The following NAALADL2 variants were observed in gnomAD, a reference collection of about 807,000 sequenced individuals.
The protein encoded by NAALADL2 is inactive N-acetylated-alpha-linked acidic dipeptidase-like protein 2.
Under a neutral mutation model 87.2 loss-of-function variants are expected in NAALADL2, and 76 were observed. The ratio of observed to expected loss-of-function variants is 0.87; its 90% CI spans 0.72 to 1.05. The LOEUF (loss-of-function observed/expected upper bound fraction) is 1.05, where lower values mean the gene tolerates loss of function less well. Among genes scored for constraint, NAALADL2 ranks in the 50% least tolerant of loss-of-function variants. The pLI is 0.00. For missense variants in NAALADL2, 1,089 were observed against 945.8 expected, an observed-to-expected ratio of 1.15 and a Z score of -1.99; for synonymous variants, 354 against 331.0, an observed-to-expected ratio of 1.07 and a Z score of -0.75.
intron 5 of NAALADL2, among the ~76,000 whole-genome samples, chr3:175,334,844 T>C (rs898526350): frequency 4.6e-5 from 7 of 152,160 alleles, no homozygotes; most frequent in African/African-American, 1.7e-4. Flanking sequence ...CTTTGTGTTA[T>C]TGGGACCGTC....
At chr3:175,051,212 CCAAATATGGGTA>C (rs1411015933) in intron 1 of NAALADL2, among the ~76,000 whole-genome samples, 1 of 152,142 alleles carries the variant, frequency 6.6e-6, no homozygotes, top group Non-Finnish European at 1.5e-5. Flanking sequence ...ACACTTAGAG[CCAAATATGGGTA>C]ATTCTTCCAT....
intron 2 of NAALADL2, among the ~76,000 whole-genome samples, chr3:174,658,158 A>G (rs1485412354): frequency 6.6e-6 from 1 of 152,282 alleles, no homozygotes; most frequent in East Asian, 1.9e-4. Context: ...GTTGGATTGT[A>G]CGGTAAGAGC....
intron 2 of NAALADL2, among the ~76,000 whole-genome samples, chr3:174,663,264 T>C (rs1725672487): frequency 6.6e-6 from 1 of 152,174 alleles, no homozygotes; most frequent in Non-Finnish European, 1.5e-5. Context: ...TAAAATGAGC[T>C]TAAAATATTT....
In NAALADL2 at chr3:174,495,086, C is replaced by T. The variant is rs140553734; in HGVS notation, c.-184+54054C>T. Reference sequence around the variant, plus strand: ...TGATGAGAGATTCTTATTCATTAGCCAAAATATCTACTGGAGAAATTTTTT... The same window carrying T: ...TGATGAGAGATTCTTATTCATTAGCTAAAATATCTACTGGAGAAATTTTTT... On this transcript the variant is annotated intron_variant, in intron 1 of 3. Transcript: ENST00000434257. 7.7e-3 allele frequency among the ~76,000 whole-genome samples: 1,170 copies of T among 152,040 alleles called. 14 individuals carry two copies. The highest frequency in any genetic ancestry group is 0.01 in the Middle Eastern group (3 of 294).
At chr3:175,489,205 T>G (rs934259402) in intron 9 of NAALADL2, among the ~76,000 whole-genome samples, 78 of 152,260 alleles carry the variant, frequency 5.1e-4, no homozygotes, top group African/African-American at 1.8e-3. Flanking sequence ...ACAAGGCAAT[T>G]AAGTAATACT....
chr3:174,669,025 T>C (rs1343515575), intron 2 of NAALADL2, among the ~76,000 whole-genome samples: 10 of 152,238 alleles, frequency 6.6e-5, no homozygotes, highest in South Asian at 4.1e-4. Flanking sequence ...AACTAGTTTA[T>C]AGTCCCACCA....
intron 1 of NAALADL2, among the ~76,000 whole-genome samples, chr3:174,929,278 A>G (rs1456259671): frequency 6.6e-6 from 1 of 152,204 alleles, no homozygotes; most frequent in Non-Finnish European, 1.5e-5. Flanking sequence ...ATGGGAAATC[A>G]CTGAAGGATT....
rs139362627 is a variant in NAALADL2, at chr3:175,089,061, T to G, written c.44-7729T>G. The stretch of plus-strand genomic sequence containing the variant: ...TGTAAATGTTGTTAAGAAGAGACAA[T>G]AAAGTAGAGGTTGTGGTCTTTTCCT... On this transcript the variant is annotated intron_variant, in intron 1 of 13. Coordinates refer to ENST00000454872, the MANE Select transcript of NAALADL2 (RefSeq NM_207015.3). Among the ~76,000 whole-genome samples, 903 of 151,994 alleles carry G rather than the reference T, an allele frequency of 5.9e-3. 9 individuals carry two copies. Among genetic ancestry groups the G allele is most frequent in the African/African-American group, 0.021 (867 of 41,436 alleles).
At chr3:174,780,742 T>C (rs1488276465) in intron 3 of NAALADL2, among the ~76,000 whole-genome samples, 3 of 151,926 alleles carry the variant, frequency 2.0e-5, no homozygotes, top group African/African-American at 7.3e-5. Context: ...GAGATAATCA[T>C]GTTTTTTTTG....
chr3:175,782,667 C>T (rs1209433088), intron 13 of NAALADL2, among the ~76,000 whole-genome samples: 3 of 134,296 alleles, frequency 2.2e-5, no homozygotes, highest in Admixed American at 1.4e-4. Context: ...CCTGTTCACT[C>T]TGATGGTAGT....
At chr3:174,523,975 A>C (rs1720499301) in intron 1 of NAALADL2, among the ~76,000 whole-genome samples, 3 of 152,148 alleles carry the variant, frequency 2.0e-5, no homozygotes, top group Admixed American at 1.3e-4. Flanking sequence ...AAATTAAAAC[A>C]ATTTTATGAA....
intron 1 of NAALADL2, among the ~76,000 whole-genome samples, chr3:174,991,541 A>T (rs1047007488): frequency 6.6e-6 from 1 of 152,140 alleles, no homozygotes; most frequent in African/African-American, 2.4e-5. Flanking sequence ...GTACAATCAG[A>T]TGTGTCCTGC....
At chr3:175,301,127 T>G (rs921149228) in intron 4 of NAALADL2, among the ~76,000 whole-genome samples, 8 of 152,178 alleles carry the variant, frequency 5.3e-5, no homozygotes, top group Non-Finnish European at 1.2e-4. Flanking sequence ...TAGTTATGTC[T>G]TGTCCTCTGC....
At chr3:175,180,048 G>A (rs531902271) in intron 2 of NAALADL2, among the ~76,000 whole-genome samples, 39 of 152,032 alleles carry the variant, frequency 2.6e-4, no homozygotes, top group African/African-American at 9.2e-4. Context: ...GCCATAAGGT[G>A]TTTGTTTATA....
intron 11 of NAALADL2, among the ~76,000 whole-genome samples, chr3:175,731,619 G>A (rs1743764051): frequency 6.6e-6 from 1 of 152,186 alleles, no homozygotes; most frequent in African/African-American, 2.4e-5. Context: ...TGTGCTGCAT[G>A]ACAAGGAGTA....
In NAALADL2 at chr3:175,232,652, G is replaced by T. The variant is rs181764194; in HGVS notation, c.546-1279G>T. Among the ~76,000 whole-genome samples, 1,283 of 152,264 alleles carry T rather than the reference G, an allele frequency of 8.4e-3. 19 individuals are homozygous for T. Among genetic ancestry groups the T allele is most frequent in the African/African-American group, 0.029 (1,218 of 41,534 alleles). On this transcript the variant is annotated intron_variant, in intron 2 of 13. Transcript: ENST00000454872. ...GCATTGGCCCACATTCAGAGCTGTC[G>T]TGGGGCCATATGCAGCCCACGGGCC...
intron 2 of NAALADL2, among the ~76,000 whole-genome samples, chr3:175,230,312 T>C (rs369716420): frequency 1.3e-5 from 2 of 152,168 alleles, no homozygotes; most frequent in Admixed American, 6.6e-5. Context: ...AAAAGCTCTA[T>C]GCATTAAAAT....
intron 9 of NAALADL2, among the ~76,000 whole-genome samples, chr3:175,506,090 G>A (rs905170936): frequency 1.1e-4 from 16 of 152,092 alleles, no homozygotes; most frequent in African/African-American, 3.9e-4. Context: ...GATACCTCAA[G>A]ACACTAAAAT....
At chr3:175,060,269 C>T (rs558170211) in intron 1 of NAALADL2, among the ~76,000 whole-genome samples, 1 of 152,228 alleles carries the variant, frequency 6.6e-6, no homozygotes, top group South Asian at 2.1e-4. Flanking sequence ...TATTAAAGTC[C>T]CCTTCCTATT....
Sources: gnomAD v4.1 joint callset for allele counts (sites outside exome capture counted in the v4.1 genomes callset) on GRCh38, gnomAD v4.1.1 for gene constraint, MANE v1.5 for transcripts, NCBI Gene and HGNC (gene_info 2026-07-23, HGNC 2026-07-21) for gene names.